Variants in FRYL observed in about 807,000 individuals in gnomAD.
FRYL encodes protein furry homolog-like.
A neutral mutation model predicts 351.2 loss-of-function variants in FRYL; 150 were observed. That is an observed-to-expected ratio of 0.43 (90% confidence interval 0.37 to 0.49). The LOEUF (loss-of-function observed/expected upper bound fraction) is 0.49, where lower values mean the gene tolerates loss of function less well. Ranked by LOEUF, FRYL falls within the 20% of genes least tolerant of loss-of-function variation. FRYL has a pLI of 0.00. For missense variants in FRYL, 3,036 were observed against 3,619.3 expected (o/e 0.84, Z 4.13); for synonymous variants, 1,153 against 1,257.1 (o/e 0.92, Z 1.75).
At position 48,575,389 on chromosome 4, in the gene FRYL, A is replaced by C. The variant is rs151158003; in HGVS notation, c.2722-148T>G. The C allele has an allele frequency of 5.6e-4, 455 of 811,420 alleles. 5 individuals are homozygous for C. In the East Asian group the frequency reaches 0.012, roughly 22 times the overall value. 50.3% of individuals were successfully genotyped at this position (811,420 alleles called of 1,614,324 possible). On this transcript the variant is annotated intron_variant, in intron 24 of 63. Coordinates refer to ENST00000358350, the MANE Select transcript of FRYL (RefSeq NM_015030.2). ...ACCTCAAATTTCACCTGGGGTGTACATAACTTAAAAGGTTAAATAGCTTGT... is the reference window on the plus strand; with the variant it reads ...ACCTCAAATTTCACCTGGGGTGTACCTAACTTAAAAGGTTAAATAGCTTGT...
intron 1 of FRYL, among the ~76,000 whole-genome samples, chr4:48,731,315 C>G (rs1770700066): frequency 6.6e-6 from 1 of 152,186 alleles, no homozygotes; most frequent in South Asian, 2.1e-4. Flanking sequence ...ACATTCGACG[C>G]TCATGGATAG....
rs376751654 is a variant in FRYL at position 48,499,287 on chromosome 4, C to T, written c.*135G>A. 2.0e-4 allele frequency: 143 copies of T among 710,740 alleles called. 9 individuals are homozygous for T. The highest frequency in any genetic ancestry group is 1.3e-3 in the South Asian group (66 of 51,806). 44.0% of individuals were successfully genotyped at this position (710,740 alleles called of 1,614,324 possible). Reference sequence around the variant, plus strand: ...TTTCAGATCTTTGTTTTTGATGATACAGTTTGACATTAGTTACACTAAAAA... The same window carrying T: ...TTTCAGATCTTTGTTTTTGATGATATAGTTTGACATTAGTTACACTAAAAA... On this transcript the variant is annotated 3_prime_UTR_variant, in exon 64 of 64. Coordinates refer to ENST00000358350, the MANE Select transcript of FRYL (RefSeq NM_015030.2).
intron 1 of FRYL, among the ~76,000 whole-genome samples, chr4:48,737,756 CAGA>C (rs1328580295): frequency 6.6e-6 from 1 of 152,138 alleles, no homozygotes; most frequent in Admixed American, 6.5e-5. Flanking sequence ...AACGATGTAA[CAGA>C]AGAACTATAC....
chr4:48,573,298 C>G (rs2149118481), intron 25 of FRYL, 55 bp from the exon 26 acceptor site: 1 of 1,156,870 alleles, frequency 8.6e-7, no homozygotes, highest in East Asian at 2.4e-5. Flanking sequence ...TAATCTGACA[C>G]AGGTAAATAT....
chr4:48,728,783 G>A (rs1360334802), intron 1 of FRYL, among the ~76,000 whole-genome samples: 1 of 152,166 alleles, frequency 6.6e-6, no homozygotes, highest in Non-Finnish European at 1.5e-5. Context: ...AACAGCTCTG[G>A]TCTGCAGCTC....
At chr4:48,756,328 TTTCTGTAA>T (rs1773772950) in intron 1 of FRYL, among the ~76,000 whole-genome samples, 1 of 152,076 alleles carries the variant, frequency 6.6e-6, no homozygotes, top group Admixed American at 6.5e-5. Context: ...TTAAAACCAA[TTTCTGTAA>T]TTCCTTTAAG....
chr4:48,759,307 G>T (rs1348798898), intron 1 of FRYL, among the ~76,000 whole-genome samples: 1 of 152,108 alleles, frequency 6.6e-6, no homozygotes, highest in Non-Finnish European at 1.5e-5. Flanking sequence ...TCACAAAAAG[G>T]AAAACTAGAT....
rs921849959 is a variant in FRYL, at chr4:48,557,790, A to G, written c.3866-78T>C. Reference sequence around the variant, plus strand: ...CCCGTAATTAATTCCAACAGATTTCAGAAGCCAGATTTTATTCATTTTACT... The same window carrying G: ...CCCGTAATTAATTCCAACAGATTTCGGAAGCCAGATTTTATTCATTTTACT... On this transcript the variant is annotated intron_variant, in intron 33 of 63. Transcript: ENST00000358350. 3 of 1,522,510 alleles carry G rather than the reference A, an allele frequency of 2.0e-6. No individual in the cohort carries two copies. In the Admixed American group the frequency reaches 5.6e-5, roughly 28 times the overall value. 94.3% of individuals were successfully genotyped at this position (1,522,510 alleles called of 1,614,324 possible). A position where few individuals can be genotyped will look rare whatever the true frequency, so the allele number is the denominator to read the frequency against.
chr4:48,536,707 G>A (rs187988597), intron 47 of FRYL, among the ~76,000 whole-genome samples: 4 of 152,184 alleles, frequency 2.6e-5, no homozygotes, highest in African/African-American at 9.6e-5. Context: ...TCTGCTTTTA[G>A]TTTTCCTTTT....
At chr4:48,669,375 A>T (rs908335453) in intron 3 of FRYL, among the ~76,000 whole-genome samples, 3 of 152,012 alleles carry the variant, frequency 2.0e-5, no homozygotes, top group Admixed American at 2.0e-4. Flanking sequence ...TGGTCCTGGG[A>T]TGAGGGCAGG....
intron 62 of FRYL, among the ~76,000 whole-genome samples, chr4:48,500,799 T>A: frequency 6.6e-6 from 1 of 152,180 alleles, no homozygotes; most frequent in Non-Finnish European, 1.5e-5. Flanking sequence ...ACTGTAACAA[T>A]GTGGGCTGGG....
chr4:48,674,423 A>C (rs1035440310), intron 3 of FRYL, among the ~76,000 whole-genome samples: 5 of 152,120 alleles, frequency 3.3e-5, no homozygotes, highest in African/African-American at 1.2e-4. Flanking sequence ...ATATCACATC[A>C]CATGTGATCA....
intron 1 of FRYL, among the ~76,000 whole-genome samples, chr4:48,719,720 G>A (rs1769247868): frequency 6.6e-6 from 1 of 151,474 alleles, no homozygotes; most frequent in Non-Finnish European, 1.5e-5. Flanking sequence ...TCATTTTGTG[G>A]GACTCTCACA....
intron 9 of FRYL, among the ~76,000 whole-genome samples, chr4:48,608,130 C>G (rs1451435835): frequency 6.6e-6 from 1 of 152,066 alleles, no homozygotes; most frequent in Non-Finnish European, 1.5e-5. Flanking sequence ...TTAAAATACT[C>G]AAACCATGTT....
intron 53 of FRYL, among the ~76,000 whole-genome samples, chr4:48,523,720 T>A (rs993431974): frequency 6.6e-6 from 1 of 152,240 alleles, no homozygotes; most frequent in African/African-American, 2.4e-5. Flanking sequence ...ACAACATTTC[T>A]ATGATACACT....
intron 1 of FRYL, among the ~76,000 whole-genome samples, chr4:48,738,684 T>C (rs1771706540): frequency 6.6e-6 from 1 of 150,840 alleles, no homozygotes; most frequent in South Asian, 2.1e-4. Context: ...TTTTTTTTTT[T>C]GGTAGAGACA....
At chr4:48,628,076 A>G (rs1429386086) in intron 4 of FRYL, among the ~76,000 whole-genome samples, 1 of 152,136 alleles carries the variant, frequency 6.6e-6, no homozygotes, top group Non-Finnish European at 1.5e-5. Flanking sequence ...CGGCCTCAAT[A>G]TATTAGTATT....
At position 48,567,258 on chromosome 4, in the gene FRYL, C is replaced by G. The variant is rs1736993646; in HGVS notation, c.3159G>C (p.Gln1053His). ...AACTGAAAATAATACCTGGAACATTCTGAATAATATTCGCCACTAAGGCAC... is the reference window on the plus strand; with the variant it reads ...AACTGAAAATAATACCTGGAACATTGTGAATAATATTCGCCACTAAGGCAC... ...HFSALVANII[Q>H]NVPVHQRRSI... The change falls in exon 28 of 64, where the codon CAG becomes CAC. Residue 1053 changes from glutamine to histidine, a missense_variant. By Grantham distance (24) the Gln-to-His change is conservative (BLOSUM62 0). Around this residue, in one of 7 missense-constraint regions of FRYL, gnomAD observed 15 missense variants for 41.9 expected, o/e 0.36. Coordinates refer to ENST00000358350, the MANE Select transcript of FRYL (RefSeq NM_015030.2). This position sits in a 1 kb window ranked among gnomAD's most constrained non-coding sequence, Gnocchi z 4.2. 6.2e-7 allele frequency: 1 copy of G among 1,606,866 alleles called. No individual in the cohort carries two copies. Among genetic ancestry groups the G allele is most frequent in the South Asian group, 1.1e-5 (1 of 88,814 alleles).
chr4:48,682,150 A>C (rs752041045), intron 3 of FRYL, among the ~76,000 whole-genome samples: 30 of 152,238 alleles, frequency 2.0e-4, no homozygotes, highest in Non-Finnish European at 4.3e-4. Context: ...ACTTAGTGAA[A>C]CACAATACAA....
Sources: gnomAD v4.1 joint callset for allele counts (sites outside exome capture counted in the v4.1 genomes callset) on GRCh38, gnomAD v4.1.1 for gene constraint, gnomAD v4.1.1 regional missense constraint, Gnocchi (gnomAD v3.1) non-coding constraint, MANE v1.5 for transcripts, NCBI Gene and HGNC (gene_info 2026-07-23, HGNC 2026-07-21) for gene names.